Variants in UGT1A7 observed in about 807,000 individuals in gnomAD.
UGT1A7 encodes UDP glucuronosyltransferase family 1 member A7.
Under a neutral mutation model 45.6 loss-of-function variants are expected in UGT1A7, and 33 were observed. The observed-to-expected ratio is 0.72, with a 90% CI of 0.55 to 0.97. The LOEUF (loss-of-function observed/expected upper bound fraction) is 0.97. Among genes scored for constraint, UGT1A7 ranks in the 50% least tolerant of loss-of-function variants. UGT1A7 has a pLI of 0.00. For missense variants in UGT1A7, 684 were observed against 666.2 expected (o/e 1.03, Z -0.29); for synonymous variants, 274 against 250.6 (o/e 1.09, Z -0.88).
At chr2:233,757,560 A>G (rs183308239) in intron 1 of UGT1A7, among the ~76,000 whole-genome samples, 5,655 of 123,138 alleles carry the variant, frequency 0.046, 493 homozygotes, top group Non-Finnish European at 0.065. Flanking sequence ...ATATATATAT[A>G]TGTATATATG....
intron 1 of UGT1A7, chr2:233,713,575 C>G (rs1324933073): frequency 6.2e-7 from 1 of 1,613,966 alleles, no homozygotes. Context: ...TCCTATATTC[C>G]TAGATTACTA....
intron 1 of UGT1A7, among the ~76,000 whole-genome samples, chr2:233,710,877 A>T (rs1019417253): frequency 6.6e-6 from 1 of 152,230 alleles, no homozygotes; most frequent in East Asian, 1.9e-4. Context: ...AAAGTTAAAC[A>T]GTTTAAGTTT....
At position 233,758,625 on chromosome 2, in the gene UGT1A7, A is replaced by AC. The variant is rs554859025; in HGVS notation, c.856-8407dup. ...TTCAGTGTGCATGTGCATGCAAAGT[A>AC]CCTACTCTAAGGAGAAGAATGAGAG... On this transcript the variant is annotated intron_variant, in intron 1 of 4. Transcript: ENST00000373426. Among the ~76,000 whole-genome samples the AC allele has an allele frequency of 6.6e-5, 10 of 152,284 alleles. No individual in the cohort carries two copies. The South Asian group carries it at 2.1e-3, about 32-fold the overall frequency.
chr2:233,744,623 G>A (rs1465647088), intron 1 of UGT1A7, among the ~76,000 whole-genome samples: 4 of 151,984 alleles, frequency 2.6e-5, no homozygotes, highest in Admixed American at 6.5e-5. Context: ...CTATAGAGAG[G>A]TGGATTCTCA....
intron 1 of UGT1A7, chr2:233,747,993 T>G: frequency 6.2e-7 from 1 of 1,613,560 alleles, no homozygotes; most frequent in Non-Finnish European, 8.5e-7. Context: ...CCGAGGGGAC[T>G]TTGTGATGGA....
chr2:233,741,661 C>T (rs1691734186), intron 1 of UGT1A7: 1 of 151,910 alleles, frequency 6.6e-6, no homozygotes, highest in African/African-American at 2.4e-5. Flanking sequence ...CTGCCATGTT[C>T]CTGCTGTTTA....
rs774683875 is a variant in UGT1A7 at position 233,713,284 on chromosome 2, A to C, written c.855+30492A>C. 1.9e-6 allele frequency: 3 copies of C among 1,614,270 alleles called. No individual in the cohort carries two copies. The East Asian group carries it at 6.7e-5, about 36-fold the overall frequency. On this transcript the variant is annotated intron_variant, in intron 1 of 4. Coordinates refer to ENST00000373426, the MANE Select transcript of UGT1A7 (RefSeq NM_019077.3). ...GATCGCCTTTTGCTGGGTCACACTCAATCGTTCTTTGAAACAGAACATCTT... is the reference window on the plus strand; with the variant it reads ...GATCGCCTTTTGCTGGGTCACACTCCATCGTTCTTTGAAACAGAACATCTT...
At chr2:233,712,790 T>G (rs28898600) in intron 1 of UGT1A7, among the ~76,000 whole-genome samples, 3,267 of 152,150 alleles carry the variant, frequency 0.021, 105 homozygotes, top group African/African-American at 0.073. Flanking sequence ...AAGATAGGAG[T>G]GATCGGTCTT....
rs17868329 is a variant in UGT1A7, at chr2:233,698,474, A to G, written c.855+15682A>G. ...CATAGAAAATGAAGCCCTGATTTAT[A>G]GCTTAAAAATGCAGTCCTCATTAGG... On this transcript the variant is annotated intron_variant, in intron 1 of 4. Coordinates refer to ENST00000373426, the MANE Select transcript of UGT1A7 (RefSeq NM_019077.3). 6.7e-3 allele frequency among the ~76,000 whole-genome samples: 1,014 copies of G among 152,374 alleles called. 5 individuals are homozygous for G. The highest frequency in any genetic ancestry group is 0.012 in the Non-Finnish European group (789 of 68,030).
chr2:233,740,554 T>C (rs983150710), intron 1 of UGT1A7: 2 of 151,778 alleles, frequency 1.3e-5, no homozygotes, highest in African/African-American at 4.9e-5. Context: ...CCAGAAAAAA[T>C]GTCCGGCATT....
At chr2:233,755,920 C>T (rs931187964) in intron 1 of UGT1A7, 4 of 147,692 alleles carry the variant, frequency 2.7e-5, no homozygotes, top group African/African-American at 1.0e-4. Flanking sequence ...AGAAGAGTGG[C>T]ATCGTTTTAC....
chr2:233,718,717 C>A (rs1286763118), intron 1 of UGT1A7: 9 of 1,608,524 alleles, frequency 5.6e-6, no homozygotes, highest in Non-Finnish European at 7.6e-6. Flanking sequence ...CAATTACATG[C>A]TGATTTGCTA....
chr2:233,729,788 C>G, intron 1 of UGT1A7: 1 of 1,613,954 alleles, frequency 6.2e-7, no homozygotes, highest in Non-Finnish European at 8.5e-7. Flanking sequence ...CTGGCCCTGT[C>G]CTACATTTGC....
chr2:233,687,395 A>G (rs1354430386), intron 1 of UGT1A7, among the ~76,000 whole-genome samples: 1 of 152,114 alleles, frequency 6.6e-6, no homozygotes, highest in East Asian at 1.9e-4. Flanking sequence ...TAAATATAAT[A>G]AAAGCTAACA....
intron 1 of UGT1A7, among the ~76,000 whole-genome samples, chr2:233,757,539 T>TATATAC (rs762018928): frequency 5.2e-5 from 6 of 115,748 alleles, no homozygotes; most frequent in African/African-American, 1.5e-4. Flanking sequence ...GTAAGGAATA[T>TATATAC]ATATATATAT....
chr2:233,693,046 G>C lies in UGT1A7; in HGVS notation c.855+10254G>C, dbSNP rs1259258611. 1.9e-6 allele frequency: 3 copies of C among 1,614,028 alleles called. No individual in the cohort carries two copies. In the African/African-American group the frequency reaches 4.0e-5, roughly 22 times the overall value. ...GCTCATTTCAGAGAATTTCTGCAGG[G>C]GTTTTCTTCTTAGCACTTTGGGGCA... On this transcript the variant is annotated intron_variant, in intron 1 of 4. Coordinates refer to ENST00000373426, the MANE Select transcript of UGT1A7 (RefSeq NM_019077.3).
chr2:233,716,533 C>T (rs1284629795), intron 1 of UGT1A7, among the ~76,000 whole-genome samples: 2 of 152,142 alleles, frequency 1.3e-5, no homozygotes, highest in South Asian at 2.1e-4. Flanking sequence ...TCAATTATCT[C>T]CTTTCTCTCC....
At chr2:233,757,535 A>AATATATATACATATACATATACATATAT (rs376887521) in intron 1 of UGT1A7, among the ~76,000 whole-genome samples, 12 of 88,284 alleles carry the variant, frequency 1.4e-4, no homozygotes, top group Non-Finnish European at 1.5e-4. Flanking sequence ...GCCTGTAAGG[A>AATATATATACATATACATATACATATAT]ATATATATAT....
chr2:233,693,370 C>G (rs770188786), intron 1 of UGT1A7: 1 of 1,614,164 alleles, frequency 6.2e-7, no homozygotes, highest in Non-Finnish European at 8.5e-7. Context: ...TTGGCCTGTA[C>G]TTCATCAACT....
Sources: allele counts gnomAD v4.1 joint callset (sites outside exome capture counted in the v4.1 genomes callset), GRCh38; gene constraint gnomAD v4.1.1; transcripts MANE v1.5; gene names NCBI Gene and HGNC (gene_info 2026-07-23, HGNC 2026-07-21).